AGAP1: variants seen among roughly 807,000 people sequenced by gnomAD.
AGAP1 encodes arf-GAP with GTPase, ANK repeat and PH domain-containing protein 1.
In AGAP1, 29 loss-of-function variants were observed where a neutral mutation model predicts 105.3. The observed-to-expected ratio is 0.28, with a 90% CI of 0.21 to 0.38. The LOEUF (loss-of-function observed/expected upper bound fraction) is 0.38, where lower values mean the gene tolerates loss of function less well. AGAP1 is among the 10% of genes least tolerant of loss of function. The pLI is 1.00. For synonymous variants in AGAP1, 509 were observed against 485.9 expected, an observed-to-expected ratio of 1.05 and a Z score of -0.63; for missense variants, 998 against 1,165.1, an observed-to-expected ratio of 0.86 and a Z score of 2.09.
rs1344191306 is a variant in AGAP1 at position 235,961,440 on chromosome 2, C to T, written c.1484-7022C>T. ...CACTGATGCAGCACCTGCAGGGTGCCGCCGGCCCCAGCAAGGACACACCAG... is the reference window on the plus strand; with the variant it reads ...CACTGATGCAGCACCTGCAGGGTGCTGCCGGCCCCAGCAAGGACACACCAG... On this transcript the variant is annotated intron_variant, in intron 12 of 17. Coordinates refer to ENST00000304032, the MANE Select transcript of AGAP1 (RefSeq NM_001037131.3). This position sits in a 1 kb window ranked among gnomAD's most constrained non-coding sequence, Gnocchi z 5.9. Among the ~76,000 whole-genome samples, 5 of 152,158 alleles carry T rather than the reference C, an allele frequency of 3.3e-5. No homozygotes were observed. Among genetic ancestry groups the T allele is most frequent in the Non-Finnish European group, 7.3e-5 (5 of 68,036 alleles).
In AGAP1 at chr2:235,977,150, C is replaced by T. The variant is rs573718158; in HGVS notation, c.1645+8527C>T. Among the ~76,000 whole-genome samples the T allele has an allele frequency of 1.1e-4, 16 of 152,160 alleles. No individual in the cohort carries two copies. The highest frequency in any genetic ancestry group is 2.2e-4 in the Non-Finnish European group (15 of 68,022). On this transcript the variant is annotated intron_variant, in intron 13 of 17. Coordinates refer to ENST00000304032, the MANE Select transcript of AGAP1 (RefSeq NM_001037131.3). This position sits in a 1 kb window ranked among gnomAD's most constrained non-coding sequence, Gnocchi z 5.2. ...CTCCGGCGTCCATCAGCAGAGAACT[C>T]GGGGCACCGTGTTTTCCTGTGTGCA... is the stretch of plus-strand genomic sequence containing the variant.
chr2:235,758,392 T>C (rs1954114456), intron 6 of AGAP1, among the ~76,000 whole-genome samples: 1 of 152,154 alleles, frequency 6.6e-6, no homozygotes, highest in Non-Finnish European at 1.5e-5. Flanking sequence ...GGGACTACAT[T>C]GTTGGAAATG....
chr2:235,887,600 C>T lies in AGAP1; in HGVS notation c.1155+4151C>T, dbSNP rs1050059247. ...GCCCAGGTTCCAACACAAGAGCCCC[C>T]GGAGCAGGGGCCTGCATTGATCTCA... On this transcript the variant is annotated intron_variant, in intron 10 of 17. Transcript: ENST00000304032. The surrounding 1 kb of genome is among the most constrained non-coding windows in gnomAD (Gnocchi z 4.1). Among the ~76,000 whole-genome samples the T allele has an allele frequency of 6.6e-6, 1 of 152,160 alleles. No individual in the cohort carries two copies. Among genetic ancestry groups the T allele is most frequent in the Non-Finnish European group, 1.5e-5 (1 of 68,040 alleles).
rs1363511566 is a variant in AGAP1 at position 236,061,581 on chromosome 2, A to G, written c.2114+12300A>G. ...GGGTGAACCTCGAAGACATGATGCT[A>G]AAGGAAAGGAAGCAGGCACAGAAGG... On this transcript the variant is annotated intron_variant, in intron 16 of 17. Transcript: ENST00000304032. This position sits in a 1 kb window ranked among gnomAD's most constrained non-coding sequence, Gnocchi z 4.1. Among the ~76,000 whole-genome samples the G allele has an allele frequency of 6.6e-6, 1 of 152,164 alleles. No homozygotes were observed. The highest frequency in any genetic ancestry group is 1.5e-5 in the Non-Finnish European group (1 of 68,026).
chr2:236,068,596 C>T (rs541437887), intron 16 of AGAP1, among the ~76,000 whole-genome samples: 4 of 150,782 alleles, frequency 2.7e-5, no homozygotes, highest in Non-Finnish European at 5.9e-5. Flanking sequence ...GTCAGGAGAT[C>T]GAGACCATCC....
intron 6 of AGAP1, among the ~76,000 whole-genome samples, chr2:235,770,289 C>G (rs1955334172): frequency 6.7e-6 from 1 of 149,924 alleles, no homozygotes; most frequent in Non-Finnish European, 1.5e-5. Flanking sequence ...CACGCCACCC[C>G]ACGCCTGGCT....
Position 235,600,837 on chromosome 2 carries a change from C to G in AGAP1, c.163+105988C>G, listed in dbSNP as rs182344152. On this transcript the variant is annotated intron_variant, in intron 1 of 17. Transcript: ENST00000304032. This position sits in a 1 kb window ranked among gnomAD's most constrained non-coding sequence, Gnocchi z 4.8. The stretch of plus-strand genomic sequence containing the variant: ...TCCTTTGGCAGCGCCCTCACAGACA[C>G]ACCCAGGATCAATACTTTGCATCTT... 1.1e-4 allele frequency among the ~76,000 whole-genome samples: 16 copies of G among 152,330 alleles called. 1 individual carries two copies. In the East Asian group the frequency reaches 3.1e-3, roughly 29 times the overall value.
At chr2:235,624,717 C>G (rs1358818539) in intron 1 of AGAP1, among the ~76,000 whole-genome samples, 1 of 151,952 alleles carries the variant, frequency 6.6e-6, no homozygotes, top group African/African-American at 2.4e-5. Context: ...GAAGTTTGTC[C>G]CCTTCAAATC....
chr2:235,505,014 G>T (rs1460012568), intron 1 of AGAP1, among the ~76,000 whole-genome samples: 1 of 152,140 alleles, frequency 6.6e-6, no homozygotes, highest in African/African-American at 2.4e-5. Context: ...CTTGGCTCCT[G>T]GCAGAAGTCA....
intron 13 of AGAP1, among the ~76,000 whole-genome samples, chr2:235,990,455 C>T (rs1345220934): frequency 6.6e-6 from 1 of 152,196 alleles, no homozygotes; most frequent in Non-Finnish European, 1.5e-5. Context: ...CATCCCGAAT[C>T]CCAGTCACTC....
At chr2:236,019,608 A>C (rs968163661) in intron 13 of AGAP1, among the ~76,000 whole-genome samples, 2 of 152,176 alleles carry the variant, frequency 1.3e-5, no homozygotes, top group African/African-American at 4.8e-5. Flanking sequence ...ACGGGGCTGG[A>C]ATTCCAGGTG....
At chr2:235,605,920 A>G (rs1945919120) in intron 1 of AGAP1, among the ~76,000 whole-genome samples, 1 of 152,322 alleles carries the variant, frequency 6.6e-6, no homozygotes. Context: ...CCGGTTGCTT[A>G]AGTGCTGTCT....
chr2:235,914,122 A>T (rs2051757923), intron 11 of AGAP1, among the ~76,000 whole-genome samples: 1 of 152,088 alleles, frequency 6.6e-6, no homozygotes, highest in African/African-American at 2.4e-5. Context: ...TGTGTTTTCT[A>T]TTATTCAGCC....
In AGAP1 at chr2:235,609,563, G is replaced by C. The variant is rs1384307469; in HGVS notation, c.164-99616G>C. 6.6e-6 allele frequency among the ~76,000 whole-genome samples: 1 copy of C among 152,146 alleles called. No homozygotes were observed. The highest frequency in any genetic ancestry group is 1.9e-4 in the East Asian group (1 of 5,180). On this transcript the variant is annotated intron_variant, in intron 1 of 17. Transcript: ENST00000304032. This position sits in a 1 kb window ranked among gnomAD's most constrained non-coding sequence, Gnocchi z 5.1. ...CATGTCTTGAGTTTTCAGTAGAGAA[G>C]GCCTGCTCCTCACTTTGACCCCGGA...
chr2:235,774,959 G>A (rs774132990), intron 6 of AGAP1, among the ~76,000 whole-genome samples: 1 of 152,198 alleles, frequency 6.6e-6, no homozygotes, highest in Non-Finnish European at 1.5e-5. Context: ...TTTGGGGAAA[G>A]CTGGAGCTCC....
In AGAP1 at chr2:236,040,455, T is replaced by A. The variant is rs1056926622; in HGVS notation, c.1801-296T>A. Among the ~76,000 whole-genome samples the A allele has an allele frequency of 6.6e-6, 1 of 152,184 alleles. No homozygotes were observed. The highest frequency in any genetic ancestry group is 1.5e-5 in the Non-Finnish European group (1 of 68,032). ...CCCATTTACCTTCTCCAGGTTACCA[T>A]GGTCCATGCGTATTCACAGATGATC... On this transcript the variant is annotated intron_variant, in intron 14 of 17. Transcript: ENST00000304032. The surrounding 1 kb of genome is among the most constrained non-coding windows in gnomAD (Gnocchi z 5.6).
In AGAP1 at chr2:235,864,709, G is replaced by C. The variant is rs1045650496; in HGVS notation, c.1051-18636G>C. Among the ~76,000 whole-genome samples, 2 of 152,124 alleles carry C rather than the reference G, an allele frequency of 1.3e-5. No homozygotes were observed. The highest frequency in any genetic ancestry group is 4.8e-5 in the African/African-American group (2 of 41,426). ...AATATTAACTAGAAAAATCAAGAGG[G>C]GATCTGTCAGTCCTGGTGGGAAAAA... On this transcript the variant is annotated intron_variant, in intron 9 of 17. Transcript: ENST00000304032. The surrounding 1 kb of genome is among the most constrained non-coding windows in gnomAD (Gnocchi z 5.0).
In AGAP1 at chr2:235,749,533, G is replaced by A. The variant is rs550663242; in HGVS notation, c.539-821G>A. Reference sequence around the variant, plus strand: ...GGTCCATCAAAACCTCAGGGGACTCGCTGCTCCCCTCTCCACACACCTCCC... The same window carrying A: ...GGTCCATCAAAACCTCAGGGGACTCACTGCTCCCCTCTCCACACACCTCCC... On this transcript the variant is annotated intron_variant, in intron 5 of 17. Coordinates refer to ENST00000304032, the MANE Select transcript of AGAP1 (RefSeq NM_001037131.3). Among the ~76,000 whole-genome samples, 6 of 152,094 alleles carry A rather than the reference G, an allele frequency of 3.9e-5. No homozygotes were observed. In the South Asian group the frequency reaches 6.2e-4, roughly 16 times the overall value.
In AGAP1 at chr2:235,614,271, C is replaced by T. The variant is rs6748769; in HGVS notation, c.164-94908C>T. Reference sequence around the variant, plus strand: ...GCAGTGTGGCCAGCGTCACTTAAAGCGGGGAGGTGGCTGGTGCTGGAGCGT... The same window carrying T: ...GCAGTGTGGCCAGCGTCACTTAAAGTGGGGAGGTGGCTGGTGCTGGAGCGT... On this transcript the variant is annotated intron_variant, in intron 1 of 17. Transcript: ENST00000304032. The surrounding 1 kb of genome is among the most constrained non-coding windows in gnomAD (Gnocchi z 4.7). 0.028 allele frequency among the ~76,000 whole-genome samples: 4,320 copies of T among 152,058 alleles called. 171 individuals carry two copies. The highest frequency in any genetic ancestry group is 0.096 in the African/African-American group (3,998 of 41,448).
Sources: gnomAD v4.1 joint callset for allele counts (sites outside exome capture counted in the v4.1 genomes callset) on GRCh38, gnomAD v4.1.1 for gene constraint, Gnocchi (gnomAD v3.1) non-coding constraint, MANE v1.5 for transcripts, NCBI Gene and HGNC (gene_info 2026-07-23, HGNC 2026-07-21) for gene names.